The following OFD1 variants were observed in gnomAD, a reference collection of about 807,000 sequenced individuals.
The protein encoded by OFD1 is centriole and centriolar satellite protein OFD1.
In OFD1, 12 loss-of-function variants were observed where a neutral mutation model predicts 81.4. That is an observed-to-expected ratio of 0.15 (90% CI 0.09 to 0.24). The LOEUF (loss-of-function observed/expected upper bound fraction) is 0.24, where lower values mean the gene tolerates loss of function less well. OFD1 is among the 10% of genes least tolerant of loss of function. The probability of loss-of-function intolerance (pLI) is 1.00; values close to 1 mark genes in which losing one functional copy is unlikely to be tolerated. For missense variants in OFD1, 685 were observed against 733.9 expected (o/e 0.93, Z 0.77); for synonymous variants, 256 against 263.7 (o/e 0.97, Z 0.28).
intron 18 of OFD1, among the ~76,000 whole-genome samples, chrX:13,762,765 T>G (rs1262091433): frequency 8.9e-6 from 1 of 112,208 alleles, no homozygotes; most frequent in Non-Finnish European, 1.9e-5. Flanking sequence ...AGAATGTTTA[T>G]TTTTATTTTT....
upstream of OFD1, chrX:13,734,174 G>A (rs752957366): frequency 6.8e-5 from 34 of 499,082 alleles, no homozygotes; most frequent in African/African-American, 4.4e-4. Context: ...ACACTTGGGG[G>A]AGAAGGTGAT....
chrX:13,760,718 A>C lies in OFD1; in HGVS notation c.2258A>C (p.Glu753Ala), dbSNP rs1382696572. Reference sequence around the variant, plus strand: ...AGCCTCGAAAGTGAAATGTATCTGGAAGGTAAGCCACCCGCACAAAGGGTT... The same window carrying C: ...AGCCTCGAAAGTGAAATGTATCTGGCAGGTAAGCCACCCGCACAAAGGGTT... ...KRSLESEMYL[E>A]GLGRSHIASP... The change falls in exon 16 of 23, where the codon GAA becomes GCA. Residue 753 changes from glutamate to alanine, a missense_variant and splice_region_variant. Transcript: ENST00000340096. 1.9e-5 allele frequency: 23 copies of C among 1,209,342 alleles called. No individual in the cohort carries two copies. Among genetic ancestry groups the C allele is most frequent in the Non-Finnish European group, 2.1e-5 (19 of 894,958 alleles).
chrX:13,768,872 G>A lies in OFD1; in HGVS notation c.2996+87G>A. The A allele has an allele frequency of 3.4e-6, 3 of 881,471 alleles. No homozygotes were observed. In the East Asian group the frequency reaches 9.3e-5, roughly 27 times the overall value. 72.6% of individuals were successfully genotyped at this position (881,471 alleles called of 1,213,427 possible). A position where few individuals can be genotyped will look rare whatever the true frequency, so the allele number is the denominator to read the frequency against. On this transcript the variant is annotated intron_variant, in intron 22 of 22. Transcript: ENST00000340096. ...GAGAAACAGATGTTTGAGATTGCCT[G>A]TAAGAAGTTATTGAATCAGTCAAAA...
chrX:13,719,895 CA>C, the OFD1 span: 2 of 1,199,999 alleles, frequency 1.7e-6, no homozygotes, highest in Admixed American at 2.2e-5. Flanking sequence ...TCCCAGCTGG[CA>C]AAAACTCCAT....
At chrX:13,754,240 C>T (rs948188362) in intron 11 of OFD1, among the ~76,000 whole-genome samples, 4 of 111,445 alleles carry the variant, frequency 3.6e-5, no homozygotes, top group Non-Finnish European at 7.5e-5. Flanking sequence ...CTCGGCCTCC[C>T]AAAGTGCTGG....
At chrX:13,733,047 T>A (rs1041280168), upstream of OFD1, among the ~76,000 whole-genome samples, 1 of 112,037 alleles carries the variant, frequency 8.9e-6, no homozygotes, top group African/African-American at 3.2e-5. Context: ...CCCCTAGAAG[T>A]TATGCTAGTT....
chrX:13,739,294 TGC>T, intron 5 of OFD1: 1 of 228,076 alleles, frequency 4.4e-6, no homozygotes, highest in Non-Finnish European at 7.6e-6. Context: ...GGAATATTTC[TGC>T]AAAAAAAAAA....
At chrX:13,772,862 G>A (rs748514760), downstream of OFD1, 47 of 1,204,017 alleles carry the variant, frequency 3.9e-5, no homozygotes, top group Admixed American at 6.6e-5. Flanking sequence ...TACGTCGGCC[G>A]AAACACTCTG....
chrX:13,769,387 TATAACC>T (rs2048258800), downstream of OFD1: 5 of 308,018 alleles, frequency 1.6e-5, no homozygotes, highest in Admixed American at 5.5e-5. Context: ...TATAAATGAG[TATAACC>T]TATCTTACTG....
the OFD1 span, chrX:13,716,787 GT>G: frequency 1.2e-6 from 1 of 832,387 alleles, no homozygotes; most frequent in Non-Finnish European, 1.7e-6. Flanking sequence ...GGAAAAAACA[GT>G]TTGCTTTTAT....
chrX:13,741,969 C>T (rs1406573024), intron 5 of OFD1, among the ~76,000 whole-genome samples: 1 of 111,838 alleles, frequency 8.9e-6, no homozygotes, highest in Non-Finnish European at 1.9e-5. Flanking sequence ...CGTATATATG[C>T]AGGTTACGGG....
intron 3 of OFD1, among the ~76,000 whole-genome samples, chrX:13,737,954 A>G (rs770687402): frequency 2.7e-5 from 3 of 110,868 alleles, no homozygotes; most frequent in Admixed American, 9.6e-5. Context: ...TGTTCAAGCA[A>G]TTCTCCTGCC....
chrX:13,751,175 CAT>C (rs1318876244), intron 9 of OFD1, 72 bp from the exon 10 acceptor site: 41 of 1,007,038 alleles, frequency 4.1e-5, no homozygotes, highest in South Asian at 3.0e-4. Flanking sequence ...GAACTAGACA[CAT>C]GTGATTTTTT....
In OFD1 at chrX:13,746,380, C is replaced by G. The variant is rs780256374; in HGVS notation, c.579C>G (p.Phe193Leu). Residue 193 changes from phenylalanine (F) to leucine (L), a missense_variant, in exon 7 of 23, where the codon TTC (phenylalanine) becomes TTG (leucine). Phe to Leu is a conservative substitution (Grantham distance 22). Coordinates refer to ENST00000340096, the MANE Select transcript of OFD1 (RefSeq NM_003611.3). ...FADAYPQRIK[F>L]ESLEIKLNEY... is the part of the protein sequence containing the mutation. ...ATGCTTACCCTCAGCGTATCAAGTT[C>G]GAATCTTTAGAAATAAAGCTAAATG... 3 of 1,205,145 alleles carry G rather than the reference C, an allele frequency of 2.5e-6. No individual in the cohort carries two copies. Among genetic ancestry groups the G allele is most frequent in the Non-Finnish European group, 1.1e-6 (1 of 890,349 alleles).
At position 13,752,876 on chromosome X, in the gene OFD1, G is replaced by A. The variant is rs1219892807; in HGVS notation, c.1056-492G>A. On this transcript the variant is annotated intron_variant, in intron 10 of 22. Coordinates refer to ENST00000340096, the MANE Select transcript of OFD1 (RefSeq NM_003611.3). ...GTGAAACTGTGAAAATGTGCCTTTT[G>A]GTATTGCTAATCCGGATATAATGCT... 3.2e-6 allele frequency: 3 copies of A among 950,138 alleles called. No homozygotes were observed. The African/African-American group carries it at 6.1e-5, about 19-fold the overall frequency. 78.3% of individuals were successfully genotyped at this position (950,138 alleles called of 1,213,427 possible). A position where few individuals can be genotyped will look rare whatever the true frequency, so the allele number is the denominator to read the frequency against.
At chrX:13,773,088 C>G (rs1602957238), downstream of OFD1, 8 of 1,073,002 alleles carry the variant, frequency 7.5e-6, no homozygotes, top group East Asian at 2.4e-4. Context: ...CAAAGCGAGG[C>G]GCTAGTTAGA....
the OFD1 span, among the ~76,000 whole-genome samples, chrX:13,718,925 G>A: frequency 2.7e-5 from 3 of 111,095 alleles, no homozygotes; most frequent in African/African-American, 9.8e-5. Context: ...GGAGGCCGAG[G>A]GCAGGCAGAC....
At chrX:13,717,826 A>C in the OFD1 span, among the ~76,000 whole-genome samples, 4 of 112,252 alleles carry the variant, frequency 3.6e-5, no homozygotes, top group Non-Finnish European at 7.5e-5. Context: ...GTCCTAAGCA[A>C]CAGTACCTCA....
upstream of OFD1, chrX:13,734,586 C>T (rs2046771464): frequency 1.1e-5 from 7 of 647,938 alleles, no homozygotes; most frequent in Admixed American, 6.4e-5. Context: ...ACCCGCGCCC[C>T]GAACCTGTAG....
Sources: gnomAD v4.1 joint callset for allele counts (sites outside exome capture counted in the v4.1 genomes callset) on GRCh38, gnomAD v4.1.1 for gene constraint, MANE v1.5 for transcripts, NCBI Gene and HGNC (gene_info 2026-07-23, HGNC 2026-07-21) for gene names.